Variants in RBFOX3 observed in about 807,000 individuals in gnomAD.
The protein encoded by RBFOX3 is RNA binding fox-1 homolog 3.
Under a neutral mutation model 48.7 loss-of-function variants are expected in RBFOX3, and 17 were observed. The observed-to-expected ratio is 0.35, with a 90% confidence interval of 0.24 to 0.52. The LOEUF is 0.52. Ranked by LOEUF, RBFOX3 falls within the 20% of genes least tolerant of loss-of-function variation. The pLI is 0.94. For synonymous variants in RBFOX3, 212 were observed against 209.5 expected (o/e 1.01, Z -0.10); for missense variants, 382 against 497.5 (o/e 0.77, Z 2.21).
chr17:79,654,809 C>T, the RBFOX3 span, among the ~76,000 whole-genome samples: 34,490 of 152,082 alleles, frequency 0.23, 4,494 homozygotes, highest in East Asian at 0.4. Flanking sequence ...AACGTAAAAT[C>T]CACAAGGAGA....
At chr17:79,484,545 T>G (rs1440982545) in intron 1 of RBFOX3, among the ~76,000 whole-genome samples, 1 of 55,806 alleles carries the variant, frequency 1.8e-5, no homozygotes, top group African/African-American at 7.0e-5. Context: ...GGGGCCTGGG[T>G]GCAGGGGGCC....
chr17:79,308,619 G>A (rs917058471), intron 2 of RBFOX3, among the ~76,000 whole-genome samples: 3 of 152,168 alleles, frequency 2.0e-5, no homozygotes, highest in African/African-American at 7.2e-5. Flanking sequence ...GGCCAAATGT[G>A]ATGGTATTTG....
intron 4 of RBFOX3, among the ~76,000 whole-genome samples, chr17:79,222,898 T>A (rs1600094332): frequency 6.6e-6 from 1 of 152,326 alleles, no homozygotes; most frequent in South Asian, 2.1e-4. Context: ...AGCAGTTTCC[T>A]CTGTAGCCTG....
intron 1 of RBFOX3, chr17:79,597,937 T>C (rs2093607861): frequency 4.6e-5 from 7 of 152,344 alleles, no homozygotes; most frequent in Non-Finnish European, 1.0e-4. Context: ...TTGGACTGCA[T>C]GGGCCACATC....
chr17:79,476,003 A>C (rs1309220487), intron 2 of RBFOX3, among the ~76,000 whole-genome samples: 1 of 152,212 alleles, frequency 6.6e-6, no homozygotes, highest in African/African-American at 2.4e-5. Context: ...ACCGACCCAG[A>C]TGATCTGAAT....
At position 79,392,854 on chromosome 17, in the gene RBFOX3, C is replaced by T. The variant is rs774127621; in HGVS notation, c.-174-85030G>A. 1.2e-4 allele frequency among the ~76,000 whole-genome samples: 19 copies of T among 152,234 alleles called. No homozygotes were observed. The highest frequency in any genetic ancestry group is 2.4e-4 in the Non-Finnish European group (16 of 68,042). On this transcript the variant is annotated intron_variant, in intron 2 of 14. Coordinates refer to ENST00000693108, the MANE Select transcript of RBFOX3 (RefSeq NM_001350451.2). This position sits in a 1 kb window ranked among gnomAD's most constrained non-coding sequence, Gnocchi z 5.0. The stretch of plus-strand genomic sequence containing the variant: ...CTGCTGCTGCTGACTGAGACACTGA[C>T]TCCTGCAGAGCTTCTCTGAGGAGAA...
At chr17:79,590,049 T>C (rs1599235567) in intron 1 of RBFOX3, among the ~76,000 whole-genome samples, 1 of 152,002 alleles carries the variant, frequency 6.6e-6, no homozygotes, top group African/African-American at 2.4e-5. Context: ...GCAGGGGCGG[T>C]GGGGGACCGG....
Position 79,574,671 on chromosome 17 carries a change from C to T in RBFOX3, c.-320+36155G>A, listed in dbSNP as rs1434305043. ...GTATACTCCGTTGAGTAGCCCATGCCGCTGCTCCGCCTATGGAGTAGCCAT... is the reference window on the plus strand; with the variant it reads ...GTATACTCCGTTGAGTAGCCCATGCTGCTGCTCCGCCTATGGAGTAGCCAT... On this transcript the variant is annotated intron_variant, in intron 1 of 14. Coordinates refer to ENST00000693108, the MANE Select transcript of RBFOX3 (RefSeq NM_001350451.2). Among the ~76,000 whole-genome samples, 5 of 152,180 alleles carry T rather than the reference C, an allele frequency of 3.3e-5. No homozygotes were observed. The South Asian group carries it at 8.3e-4, about 25-fold the overall frequency.
intron 1 of RBFOX3, among the ~76,000 whole-genome samples, chr17:79,603,233 T>C (rs2093749213): frequency 6.6e-6 from 1 of 152,040 alleles, no homozygotes; most frequent in African/African-American, 2.4e-5. Flanking sequence ...CTCAGGTGAT[T>C]CCCTGCCTCG....
At chr17:79,293,825 CG>C (rs1375811914) in intron 3 of RBFOX3, among the ~76,000 whole-genome samples, 3 of 152,114 alleles carry the variant, frequency 2.0e-5, no homozygotes, top group Non-Finnish European at 4.4e-5. Context: ...CCTGTAGCAG[CG>C]GCAAGGTCCA....
intron 2 of RBFOX3, among the ~76,000 whole-genome samples, chr17:79,476,792 A>G (rs6501311): frequency 0.48 from 72,820 of 151,604 alleles, 18,030 homozygotes; most frequent in East Asian, 0.77. Flanking sequence ...CCTGAAGTGC[A>G]CACAATTCCT....
intron 2 of RBFOX3, among the ~76,000 whole-genome samples, chr17:79,319,775 G>A (rs1399021127): frequency 2.7e-5 from 4 of 148,444 alleles, no homozygotes; most frequent in Non-Finnish European, 5.9e-5. Context: ...CTGGGCTGCT[G>A]GTCTATGTCT....
intron 3 of RBFOX3, among the ~76,000 whole-genome samples, chr17:79,262,191 G>A (rs1015941360): frequency 6.6e-6 from 1 of 152,244 alleles, no homozygotes; most frequent in African/African-American, 2.4e-5. Flanking sequence ...GCTAAGCGGC[G>A]GCCAGGCCAA....
intron 4 of RBFOX3, among the ~76,000 whole-genome samples, chr17:79,116,802 C>A (rs1366913290): frequency 8.5e-5 from 13 of 152,276 alleles, no homozygotes; most frequent in Admixed American, 8.5e-4. Flanking sequence ...CTCAGAGGCT[C>A]TTAGAAGCCC....
At position 79,273,103 on chromosome 17, in the gene RBFOX3, G is replaced by A. The variant is rs951312872; in HGVS notation, c.-74+34621C>T. Among the ~76,000 whole-genome samples the A allele has an allele frequency of 2.6e-5, 4 of 152,176 alleles. No homozygotes were observed. The East Asian group carries it at 5.8e-4, about 22-fold the overall frequency. Reference sequence around the variant, plus strand: ...GCCAAAGAACAGAGTGGTGACCTGTGACTACCAGGAGTCCCTGGCGGAATC... The same window carrying A: ...GCCAAAGAACAGAGTGGTGACCTGTAACTACCAGGAGTCCCTGGCGGAATC... On this transcript the variant is annotated intron_variant, in intron 3 of 14. Coordinates refer to ENST00000693108, the MANE Select transcript of RBFOX3 (RefSeq NM_001350451.2).
At chr17:79,509,147 A>C (rs2083671496) in intron 1 of RBFOX3, among the ~76,000 whole-genome samples, 3 of 151,572 alleles carry the variant, frequency 2.0e-5, no homozygotes, top group Non-Finnish European at 4.4e-5. Flanking sequence ...GTCTAAATCA[A>C]CCACTGCCCC....
At chr17:79,261,789 C>CT in intron 3 of RBFOX3, among the ~76,000 whole-genome samples, 1 of 152,210 alleles carries the variant, frequency 6.6e-6, no homozygotes, top group Non-Finnish European at 1.5e-5. Flanking sequence ...CCCACGCTTC[C>CT]CCTGTTCACA....
At chr17:79,468,593 TG>T (rs201388065) in intron 2 of RBFOX3, among the ~76,000 whole-genome samples, 5,335 of 151,102 alleles carry the variant, frequency 0.035, 130 homozygotes, top group South Asian at 0.063. Context: ...AATGAATGGA[TG>T]GATGGATGGA....
At chr17:79,261,427 G>C (rs562538959) in intron 3 of RBFOX3, among the ~76,000 whole-genome samples, 18 of 152,328 alleles carry the variant, frequency 1.2e-4, no homozygotes, top group Non-Finnish European at 2.2e-4. Context: ...GCAGAAAGTG[G>C]TGTTCTGAGG....
Sources: allele counts gnomAD v4.1 joint callset (sites outside exome capture counted in the v4.1 genomes callset), GRCh38; gene constraint gnomAD v4.1.1; non-coding constraint Gnocchi (gnomAD v3.1); transcripts MANE v1.5; gene names NCBI Gene and HGNC (gene_info 2026-07-23, HGNC 2026-07-21).